Variants in TJP2 observed in about 807,000 individuals in gnomAD.
TJP2 encodes tight junction protein 2.
Under a neutral mutation model 133.1 loss-of-function variants are expected in TJP2, and 91 were observed. That is an observed-to-expected ratio of 0.68 (90% CI 0.58 to 0.81). TJP2 has a LOEUF of 0.81. TJP2 is among the 40% of genes least tolerant of loss of function. The pLI is 0.00. For synonymous variants in TJP2, 592 were observed against 583.4 expected, an observed-to-expected ratio of 1.01 and a Z score of -0.21; for missense variants, 1,541 against 1,565.6, an observed-to-expected ratio of 0.98 and a Z score of 0.26.
upstream of TJP2, chr9:69,174,161 CA>C: frequency 7.8e-7 from 1 of 1,276,556 alleles, no homozygotes. Flanking sequence ...GCCGGGCGGC[CA>C]GCGCGGAGGC....
intron 13 of TJP2, 48 bp from the exon 14 acceptor site, chr9:69,236,901 G>A: frequency 6.3e-7 from 1 of 1,591,848 alleles, no homozygotes; most frequent in Non-Finnish European, 8.6e-7. Context: ...ATGCATGTTA[G>A]CTGCGTTTTC....
chr9:69,200,393 A>AC (rs1826901549), intron 1 of TJP2, among the ~76,000 whole-genome samples: 1 of 150,656 alleles, frequency 6.6e-6, no homozygotes, highest in Non-Finnish European at 1.5e-5. Flanking sequence ...GGTTTTTTAC[A>AC]CCTTTTTTTC....
intron 14 of TJP2, 116 bp downstream of exon 14, chr9:69,237,252 A>G: frequency 8.1e-7 from 1 of 1,238,714 alleles, no homozygotes; most frequent in Non-Finnish European, 1.2e-6. Flanking sequence ...TGCCAAAGGC[A>G]GTTTATAGAG....
chr9:69,212,454 G>C (rs1370964671), intron 1 of TJP2, 94 bp from the exon 2 acceptor site: 6 of 950,982 alleles, frequency 6.3e-6, no homozygotes, highest in South Asian at 1.3e-5. Flanking sequence ...AGTGTGAGCT[G>C]GACTTTATGT....
chr9:69,138,061 G>A (rs1479049315), intron 1 of TJP2, among the ~76,000 whole-genome samples: 1 of 152,102 alleles, frequency 6.6e-6, no homozygotes, highest in African/African-American at 2.4e-5. Flanking sequence ...TCATCGTTCT[G>A]CCTGTCATCA....
intron 9 of TJP2, among the ~76,000 whole-genome samples, chr9:69,228,489 G>A (rs555746102): frequency 3.9e-5 from 6 of 152,172 alleles, no homozygotes; most frequent in Middle Eastern, 3.4e-3. Flanking sequence ...AGACTTGGAC[G>A]TGCACCCACT....
chr9:69,229,564 C>G (rs1183499416), intron 10 of TJP2, among the ~76,000 whole-genome samples: 2 of 152,192 alleles, frequency 1.3e-5, no homozygotes, highest in Non-Finnish European at 2.9e-5. Flanking sequence ...GTATTTATTG[C>G]TAAACTACGG....
At position 69,221,187 on chromosome 9, in the gene TJP2, C is replaced by G. The variant is rs778954995; in HGVS notation, c.643C>G (p.Arg215Gly). Reference sequence around the variant, plus strand: ...CCAAGACCATGCGCGCACCCGAGACCGCAGCCGTGGCCGGAGCCTGGAGCG... The same window carrying G: ...CCAAGACCATGCGCGCACCCGAGACGGCAGCCGTGGCCGGAGCCTGGAGCG... ...LDQDHARTRDRSRGRSLERGL... is the reference protein window; with the variant it reads ...LDQDHARTRDGSRGRSLERGL... Residue 215 changes from arginine (R) to glycine (G), a missense_variant, in exon 5 of 23, where the codon CGC becomes GGC. By Grantham distance (125) the Arg-to-Gly change is moderately radical (BLOSUM62 -2). Coordinates refer to ENST00000377245, the MANE Select transcript of TJP2 (RefSeq NM_004817.4). 6.2e-7 allele frequency: 1 copy of G among 1,600,350 alleles called. No homozygotes were observed. The highest frequency in any genetic ancestry group is 2.3e-5 in the East Asian group (1 of 44,228).
At chr9:69,211,252 G>A (rs1827889280) in intron 1 of TJP2, among the ~76,000 whole-genome samples, 1 of 152,172 alleles carries the variant, frequency 6.6e-6, no homozygotes, top group African/African-American at 2.4e-5. Context: ...CAGGAGAATC[G>A]CTTGAACCTG....
chr9:69,209,246 C>T (rs997806328), intron 1 of TJP2, among the ~76,000 whole-genome samples: 5 of 152,140 alleles, frequency 3.3e-5, no homozygotes, highest in African/African-American at 1.2e-4. Context: ...GATTCTCTTG[C>T]TTCAGCCTCC....
At chr9:69,137,614 T>G (rs1459134781) in intron 1 of TJP2, among the ~76,000 whole-genome samples, 1 of 152,080 alleles carries the variant, frequency 6.6e-6, no homozygotes, top group Non-Finnish European at 1.5e-5. Context: ...TCTGCCCGCT[T>G]CGGCCTCCCA....
intron 1 of TJP2, 38 bp downstream of exon 1, chr9:69,174,470 T>TTGTGAG (rs144607139): frequency 3.6e-5 from 55 of 1,515,528 alleles, no homozygotes; most frequent in Non-Finnish European, 4.7e-5. Context: ...GGGAGGAGGG[T>TTGTGAG]CGTGAGCGTG....
Position 69,246,808 on chromosome 9 carries a change from G to T in TJP2, c.2667+18G>T. ...AAGGAAAGGTATGTGGCATAGATAT[G>T]CTGCTATGAGGTGAGAGTCCCTGTT... On this transcript the variant is annotated intron_variant, in intron 18 of 22. Coordinates refer to ENST00000377245, the MANE Select transcript of TJP2 (RefSeq NM_004817.4). 1 of 1,604,938 alleles carries T rather than the reference G, an allele frequency of 6.2e-7. No homozygotes were observed. Among genetic ancestry groups the T allele is most frequent in the Non-Finnish European group, 8.5e-7 (1 of 1,171,590 alleles).
intron 1 of TJP2, among the ~76,000 whole-genome samples, chr9:69,178,850 A>G (rs536231772): frequency 2.2e-4 from 34 of 152,356 alleles, no homozygotes; most frequent in Admixed American, 1.8e-3. Flanking sequence ...TCACTGTATT[A>G]TCAAGTGACT....
intron 11 of TJP2, among the ~76,000 whole-genome samples, chr9:69,231,585 A>C (rs755347464): frequency 4.6e-5 from 7 of 152,212 alleles, no homozygotes; most frequent in Middle Eastern, 3.2e-3. Context: ...AGCAAGCAGC[A>C]GCAAAGTACA....
At chr9:69,232,157 A>G (rs1829834207) in intron 11 of TJP2, among the ~76,000 whole-genome samples, 1 of 152,224 alleles carries the variant, frequency 6.6e-6, no homozygotes, top group Non-Finnish European at 1.5e-5. Context: ...CCCTGGCAAC[A>G]CGGAAGGAAC....
At chr9:69,174,200 C>T (rs974362066), upstream of TJP2, 2 of 1,293,630 alleles carry the variant, frequency 1.5e-6, no homozygotes, top group Non-Finnish European at 2.0e-6. Context: ...GGCGGGCTGA[C>T]GCCGCCGCCG....
chr9:69,155,948 G>C (rs1247555329), intron 2 of TJP2, among the ~76,000 whole-genome samples: 1 of 152,208 alleles, frequency 6.6e-6, no homozygotes, highest in African/African-American at 2.4e-5. Context: ...AGCAGAGCCT[G>C]TACATTAAAA....
At chr9:69,245,615 C>T (rs1352144812) in intron 17 of TJP2, among the ~76,000 whole-genome samples, 13 of 152,174 alleles carry the variant, frequency 8.5e-5, no homozygotes, top group Admixed American at 8.5e-4. Context: ...GTTTTCTGAG[C>T]TTGCATCCAA....
Sources: allele counts gnomAD v4.1 joint callset (sites outside exome capture counted in the v4.1 genomes callset), GRCh38; gene constraint gnomAD v4.1.1; transcripts MANE v1.5; gene names NCBI Gene and HGNC (gene_info 2026-07-23, HGNC 2026-07-21).